PHF3: variants seen among roughly 807,000 people sequenced by gnomAD.
PHF3 encodes PHD finger protein 3.
Under a neutral mutation model 178.4 loss-of-function variants are expected in PHF3, and 41 were observed. The ratio of observed to expected loss-of-function variants is 0.23; its 90% CI spans 0.18 to 0.30. PHF3 has a LOEUF of 0.30. Ranked by LOEUF, PHF3 falls within the 10% of genes least tolerant of loss-of-function variation. PHF3 has a pLI of 1.00. For synonymous variants in PHF3, 842 were observed against 800.5 expected (o/e 1.05, Z -0.88); for missense variants, 2,346 against 2,398.1 (o/e 0.98, Z 0.45).
At position 63,725,289 on chromosome 6, in the gene PHF3, G is replaced by T. The variant is rs1582144619; in HGVS notation, c.*11581G>T. Among the ~76,000 whole-genome samples, 1 of 151,932 alleles carries T rather than the reference G, an allele frequency of 6.6e-6. No individual in the cohort carries two copies. Among genetic ancestry groups the T allele is most frequent in the East Asian group, 1.9e-4 (1 of 5,186 alleles). On this transcript the variant is annotated 3_prime_UTR_variant, in exon 16 of 16. Transcript: ENST00000262043. ...AAGATGTGCTCTTGCCCTCCTATGTGTATTAGTGTGTATGAGCTTTATATT... is the reference window on the plus strand; with the variant it reads ...AAGATGTGCTCTTGCCCTCCTATGTTTATTAGTGTGTATGAGCTTTATATT...
intron 14 of PHF3, 68 bp from the exon 15 acceptor site, chr6:63,711,099 A>G (rs938457729): frequency 6.2e-6 from 7 of 1,122,602 alleles, no homozygotes; most frequent in Middle Eastern, 2.2e-4. Flanking sequence ...TAATTGAGAA[A>G]TAGTTTTAAA....
chr6:63,709,376 A>G, intron 14 of PHF3, 136 bp downstream of exon 14: 1 of 636,924 alleles, frequency 1.6e-6, no homozygotes, highest in Non-Finnish European at 2.7e-6. Context: ...AATATACCTC[A>G]CAAAACTGAA....
chr6:63,725,007 A>G lies in PHF3; in HGVS notation c.*11299A>G, dbSNP rs868824174. Among the ~76,000 whole-genome samples the G allele has an allele frequency of 2.0e-5, 3 of 152,174 alleles. No individual in the cohort carries two copies. Among genetic ancestry groups the G allele is most frequent in the Admixed American group, 6.5e-5 (1 of 15,278 alleles). ...AACCTTAAATAAATGAGAGACTTCA[A>G]ATAAACTTGTTATATCACTTGATTA... On this transcript the variant is annotated 3_prime_UTR_variant, in exon 16 of 16. Coordinates refer to ENST00000262043, the MANE Select transcript of PHF3 (RefSeq NM_001370348.2).
rs1184615035 is a variant in PHF3, at chr6:63,703,524, G to T, written c.3232-12G>T. On this transcript the variant is annotated splice_polypyrimidine_tract_variant and intron_variant, in intron 10 of 15. Coordinates refer to ENST00000262043, the MANE Select transcript of PHF3 (RefSeq NM_001370348.2). ...ATCAGCTAAAACTAATTTTTACTTT[G>T]ACTTACGTTAGGAACCAGCCGCCAA... 1.3e-6 allele frequency: 2 copies of T among 1,596,572 alleles called. No individual in the cohort carries two copies. Among genetic ancestry groups the T allele is most frequent in the Admixed American group, 3.6e-5 (2 of 54,820 alleles).
chr6:63,668,588 C>T (rs1203151711), intron 2 of PHF3, among the ~76,000 whole-genome samples: 3 of 152,114 alleles, frequency 2.0e-5, no homozygotes, highest in African/African-American at 7.2e-5. Context: ...GTGATTGTCC[C>T]ACATCGGCTT....
intron 2 of PHF3, among the ~76,000 whole-genome samples, chr6:63,651,174 C>T (rs181684603): frequency 7.9e-5 from 12 of 152,058 alleles, no homozygotes; most frequent in South Asian, 4.2e-4. Flanking sequence ...GTGTACAATA[C>T]GTAATGATCA....
chr6:63,705,084 C>T (rs1307720807), intron 11 of PHF3, among the ~76,000 whole-genome samples: 1 of 152,156 alleles, frequency 6.6e-6, no homozygotes, highest in Non-Finnish European at 1.5e-5. Context: ...GGTGAGGTGT[C>T]TCTTCAGGCA....
intron 2 of PHF3, among the ~76,000 whole-genome samples, chr6:63,672,157 T>C (rs987782058): frequency 2.0e-5 from 3 of 152,212 alleles, no homozygotes; most frequent in African/African-American, 7.2e-5. Flanking sequence ...TACAGTTTTT[T>C]ACCGAACCAA....
intron 1 of PHF3, 140 bp from the exon 2 acceptor site, chr6:63,646,387 G>A (rs1764786203): frequency 1.9e-6 from 1 of 515,962 alleles, no homozygotes; most frequent in Non-Finnish European, 3.3e-6. Flanking sequence ...CTAAAAACAA[G>A]TGAGGATTTT....
chr6:63,664,097 T>C (rs1765580849), intron 2 of PHF3, among the ~76,000 whole-genome samples: 1 of 152,194 alleles, frequency 6.6e-6, no homozygotes, highest in Admixed American at 6.5e-5. Flanking sequence ...TGAATGGTTA[T>C]TGGGCAACAG....
intron 1 of PHF3, among the ~76,000 whole-genome samples, chr6:63,637,764 C>T (rs1273844899): frequency 6.6e-6 from 1 of 152,098 alleles, no homozygotes; most frequent in Non-Finnish European, 1.5e-5. Context: ...CACAATCAGT[C>T]CCGAAACGGG....
chr6:63,648,681 T>C (rs1260429439), intron 2 of PHF3, among the ~76,000 whole-genome samples: 1 of 152,214 alleles, frequency 6.6e-6, no homozygotes, highest in Non-Finnish European at 1.5e-5. Flanking sequence ...ATACGATTTA[T>C]TATTCGTTTG....
At chr6:63,705,309 G>A (rs1047115589) in intron 11 of PHF3, among the ~76,000 whole-genome samples, 2 of 152,178 alleles carry the variant, frequency 1.3e-5, no homozygotes, top group Non-Finnish European at 2.9e-5. Flanking sequence ...TTCACTAAGA[G>A]AGGAATTACT....
intron 3 of PHF3, among the ~76,000 whole-genome samples, chr6:63,683,170 T>C (rs1015743760): frequency 6.6e-6 from 1 of 152,012 alleles, no homozygotes; most frequent in African/African-American, 2.4e-5. Context: ...ATTGTTCAAA[T>C]TGGGCATACT....
chr6:63,665,835 A>G (rs1484640285), intron 2 of PHF3, among the ~76,000 whole-genome samples: 1 of 152,172 alleles, frequency 6.6e-6, no homozygotes, highest in African/African-American at 2.4e-5. Flanking sequence ...TATTTTTAGT[A>G]TAAAAGGAAC....
At chr6:63,691,679 G>T (rs1237712789) in intron 4 of PHF3, 58 bp from the exon 5 acceptor site, 2 of 1,372,820 alleles carry the variant, frequency 1.5e-6, no homozygotes, top group South Asian at 2.9e-5. Context: ...CCTCATTTTT[G>T]ACATAGATTT....
At chr6:63,666,017 G>A (rs1765666376) in intron 2 of PHF3, among the ~76,000 whole-genome samples, 1 of 152,080 alleles carries the variant, frequency 6.6e-6, no homozygotes, top group South Asian at 2.1e-4. Context: ...TTAAATACTA[G>A]TTAAGTTTGA....
chr6:63,704,872 G>A (rs141919942), intron 11 of PHF3, among the ~76,000 whole-genome samples: 60 of 152,166 alleles, frequency 3.9e-4, no homozygotes, highest in African/African-American at 1.4e-3. Context: ...ACGAATCAGA[G>A]TTCATTTTGC....
Position 63,724,310 on chromosome 6 carries a change from C to T in PHF3, c.*10602C>T, listed in dbSNP as rs1206195961. On this transcript the variant is annotated 3_prime_UTR_variant, in exon 16 of 16. Coordinates refer to ENST00000262043, the MANE Select transcript of PHF3 (RefSeq NM_001370348.2). ...GTGCTTTATTATAGATAAGAGAAAC[C>T]TTGTAGGACCTAATATTTGTGAAGA... Among the ~76,000 whole-genome samples the T allele has an allele frequency of 6.6e-6, 1 of 152,100 alleles. No homozygotes were observed. Among genetic ancestry groups the T allele is most frequent in the African/African-American group, 2.4e-5 (1 of 41,408 alleles).
Sources: gnomAD v4.1 joint callset for allele counts (sites outside exome capture counted in the v4.1 genomes callset) on GRCh38, gnomAD v4.1.1 for gene constraint, MANE v1.5 for transcripts, NCBI Gene and HGNC (gene_info 2026-07-23, HGNC 2026-07-21) for gene names.